Variants in WWP2 observed in about 807,000 individuals in gnomAD.
WWP2 encodes NEDD4-like E3 ubiquitin-protein ligase WWP2.
WWP2 carries 57 observed loss-of-function variants against 121.0 expected under a neutral mutation model. That is an observed-to-expected ratio of 0.47 (90% CI 0.38 to 0.59). WWP2 has a LOEUF of 0.59. WWP2 is among the 20% of genes least tolerant of loss of function. WWP2 has a pLI of 0.00. For missense variants in WWP2, 962 were observed against 1,158.9 expected, an observed-to-expected ratio of 0.83 and a Z score of 2.47; for synonymous variants, 449 against 441.3, an observed-to-expected ratio of 1.02 and a Z score of -0.22.
Position 69,799,967 on chromosome 16 carries a change from G to C in WWP2, c.340+672G>C, listed in dbSNP as rs780579077. On this transcript the variant is annotated intron_variant, in intron 4 of 23. Transcript: ENST00000359154. The surrounding 1 kb of genome is among the most constrained non-coding windows in gnomAD (Gnocchi z 4.5). ...TATTCAGAGCAGTACCATATGTGGC[G>C]AATGAATGGCATGGAAAGAAAGGCT... Among the ~76,000 whole-genome samples, 1 of 150,434 alleles carries C rather than the reference G, an allele frequency of 6.6e-6. No individual in the cohort carries two copies. Among genetic ancestry groups the C allele is most frequent in the Non-Finnish European group, 1.5e-5 (1 of 67,706 alleles).
At chr16:69,809,697 G>A (rs2056350276) in intron 4 of WWP2, among the ~76,000 whole-genome samples, 1 of 152,158 alleles carries the variant, frequency 6.6e-6, no homozygotes. Context: ...GAACCCAGGA[G>A]GCAGAGGTTG....
At chr16:69,872,272 AGTGGC>A (rs2057655391) in intron 7 of WWP2, among the ~76,000 whole-genome samples, 1 of 151,390 alleles carries the variant, frequency 6.6e-6, no homozygotes, top group South Asian at 2.1e-4. Context: ...GCTGGAGTGC[AGTGGC>A]GTGATCTCGG....
In WWP2 at chr16:69,931,639, C is replaced by A. The variant is rs2058715276; in HGVS notation, c.1593+59C>A. 3 of 1,606,968 alleles carry A rather than the reference C, an allele frequency of 1.9e-6. No homozygotes were observed. The East Asian group carries it at 6.7e-5, about 36-fold the overall frequency. On this transcript the variant is annotated intron_variant, in intron 15 of 23. Transcript: ENST00000359154. ...CGACGCCCTCCTCCCAGCACCCCAT[C>A]TCCTATCGCGTGGCCTGTTAAACCC...
At position 69,799,323 on chromosome 16, in the gene WWP2, T is replaced by G; in HGVS notation, c.340+28T>G. The G allele has an allele frequency of 6.2e-7, 1 of 1,606,028 alleles. No individual in the cohort carries two copies. The highest frequency in any genetic ancestry group is 8.5e-7 in the Non-Finnish European group (1 of 1,175,852). ...ACGTATGATGAAGGGGGTGCCGACGTGATTCTTGGGTGGGGATGGGAGGAC... is the reference window on the plus strand; with the variant it reads ...ACGTATGATGAAGGGGGTGCCGACGGGATTCTTGGGTGGGGATGGGAGGAC... On this transcript the variant is annotated intron_variant, in intron 4 of 23. Coordinates refer to ENST00000359154, the MANE Select transcript of WWP2 (RefSeq NM_001270454.2). This position sits in a 1 kb window ranked among gnomAD's most constrained non-coding sequence, Gnocchi z 4.5.
At chr16:69,846,935 C>G (rs1158725412) in intron 6 of WWP2, among the ~76,000 whole-genome samples, 1 of 151,986 alleles carries the variant, frequency 6.6e-6, no homozygotes. Flanking sequence ...GCTCTGTCAC[C>G]CTGGCTAGAG....
intron 6 of WWP2, among the ~76,000 whole-genome samples, chr16:69,854,884 C>A (rs1597060177): frequency 6.6e-6 from 1 of 151,900 alleles, no homozygotes; most frequent in Non-Finnish European, 1.5e-5. Flanking sequence ...GAGACAGGGT[C>A]TTGTTCTGTC....
chr16:69,825,665 G>T (rs1295636043), intron 4 of WWP2, among the ~76,000 whole-genome samples: 7 of 125,914 alleles, frequency 5.6e-5, no homozygotes, highest in Admixed American at 1.8e-4. Context: ...TTGTTCTGTT[G>T]CCCAGGCTGA....
At chr16:69,805,783 T>TC (rs1419028544) in intron 4 of WWP2, among the ~76,000 whole-genome samples, 1 of 151,252 alleles carries the variant, frequency 6.6e-6, no homozygotes, top group Non-Finnish European at 1.5e-5. Context: ...TTTTTTCTTT[T>TC]TTTTTTTTTT....
At chr16:69,864,385 C>T (rs1396390122) in intron 6 of WWP2, among the ~76,000 whole-genome samples, 1 of 151,566 alleles carries the variant, frequency 6.6e-6, no homozygotes, top group African/African-American at 2.4e-5. Flanking sequence ...TTAAAAATAC[C>T]TAGGAGTAGG....
At chr16:69,803,878 A>G (rs2056223246) in intron 4 of WWP2, among the ~76,000 whole-genome samples, 1 of 152,196 alleles carries the variant, frequency 6.6e-6, no homozygotes, top group Non-Finnish European at 1.5e-5. Flanking sequence ...ACTGCAGTCC[A>G]GCCTGGATGA....
At chr16:69,778,474 G>A (rs796617315) in intron 1 of WWP2, among the ~76,000 whole-genome samples, 14 of 151,974 alleles carry the variant, frequency 9.2e-5, no homozygotes, top group South Asian at 2.1e-4. Context: ...TCATCTGTTC[G>A]TGTTGCTGAG....
chr16:69,931,168 C>A lies in WWP2; in HGVS notation c.1462C>A (p.Pro488Thr), dbSNP rs1333168819. ...GFESGTKQGSPGAYDRSFRWK... is the reference protein window; with the variant it reads ...GFESGTKQGSTGAYDRSFRWK... ...TCTTCCTAGGACGAAGCAAGGTTCC[C>A]CTGGTGCTTATGACCGCAGTTTTCG... The change falls in exon 14 of 24, where the codon CCT becomes ACT. Residue 488 changes from proline (P) to threonine (T), a missense_variant. Pro to Thr is a conservative substitution (Grantham distance 38). Coordinates refer to ENST00000359154, the MANE Select transcript of WWP2 (RefSeq NM_001270454.2). 1 of 1,614,136 alleles carries A rather than the reference C, an allele frequency of 6.2e-7. No individual in the cohort carries two copies. Among genetic ancestry groups the A allele is most frequent in the Admixed American group, 1.7e-5 (1 of 60,012 alleles).
At chr16:69,841,527 C>T (rs1363500659) in intron 5 of WWP2, among the ~76,000 whole-genome samples, 1 of 152,142 alleles carries the variant, frequency 6.6e-6, no homozygotes, top group African/African-American at 2.4e-5. Flanking sequence ...CAACTCAGAT[C>T]ACGCAGCCTT....
chr16:69,873,981 A>G (rs2057689802), intron 7 of WWP2, among the ~76,000 whole-genome samples: 1 of 152,138 alleles, frequency 6.6e-6, no homozygotes, highest in African/African-American at 2.4e-5. Context: ...GTTCTAGCAG[A>G]CAAGGCAGGT....
At chr16:69,868,690 C>G (rs952155807) in intron 6 of WWP2, among the ~76,000 whole-genome samples, 2 of 139,326 alleles carry the variant, frequency 1.4e-5, no homozygotes, top group Non-Finnish European at 3.1e-5. Context: ...CACACACACA[C>G]ACAGACATAC....
chr16:69,910,232 A>G, intron 9 of WWP2: 1 of 344,992 alleles, frequency 2.9e-6, no homozygotes, highest in Non-Finnish European at 4.1e-6. Flanking sequence ...CTTTTATTCA[A>G]AATAAAACTC....
At chr16:69,800,851 C>G (rs1219656836) in intron 4 of WWP2, among the ~76,000 whole-genome samples, 1 of 151,348 alleles carries the variant, frequency 6.6e-6, no homozygotes. Context: ...AGGCGTGAGC[C>G]ACTGCACCCA....
chr16:69,837,079 A>G (rs1432673468), intron 4 of WWP2, among the ~76,000 whole-genome samples: 1 of 151,934 alleles, frequency 6.6e-6, no homozygotes, highest in African/African-American at 2.4e-5. Context: ...GCCTACTACC[A>G]TATCCAGCTA....
intron 19 of WWP2, chr16:69,936,661 C>T: frequency 1.5e-6 from 1 of 662,250 alleles, no homozygotes; most frequent in Non-Finnish European, 2.5e-6. Flanking sequence ...CCCAGCTGTG[C>T]TTTTTCGCCA....
Sources: allele counts gnomAD v4.1 joint callset (sites outside exome capture counted in the v4.1 genomes callset), GRCh38; gene constraint gnomAD v4.1.1; non-coding constraint Gnocchi (gnomAD v3.1); transcripts MANE v1.5; gene names NCBI Gene and HGNC (gene_info 2026-07-23, HGNC 2026-07-21).